ZNF292: variants seen among roughly 807,000 people sequenced by gnomAD.
ZNF292 encodes 16 zinc-finger domain protein.
Under a neutral mutation model 217.9 loss-of-function variants are expected in ZNF292, and 26 were observed. That is an observed-to-expected ratio of 0.12 (90% CI 0.09 to 0.17). The LOEUF is 0.17. Among genes scored for constraint, ZNF292 ranks in the 10% least tolerant of loss-of-function variants. ZNF292 has a pLI of 1.00. For missense variants in ZNF292, 2,904 were observed against 3,175.2 expected, an observed-to-expected ratio of 0.91 and a Z score of 2.05; for synonymous variants, 1,257 against 1,124.1, an observed-to-expected ratio of 1.12 and a Z score of -2.37.
At position 87,259,096 on chromosome 6, in the gene ZNF292, A is replaced by C. The variant is rs766997772; in HGVS notation, c.5467A>C (p.Ser1823Arg). 8.7e-6 allele frequency: 14 copies of C among 1,613,290 alleles called. No homozygotes were observed. In the South Asian group the frequency reaches 1.5e-4, roughly 18 times the overall value. ...SSFISVMPTK[S>R]NIPQSEVSHK... Reference sequence around the variant, plus strand: ...CTTTATAAGTGTCATGCCAACAAAAAGTAACATTCCTCAGTCTGAAGTATC... The same window carrying C: ...CTTTATAAGTGTCATGCCAACAAAACGTAACATTCCTCAGTCTGAAGTATC... The change falls in exon 8 of 8, where the codon AGT becomes CGT. Residue 1823 changes from serine (S) to arginine (R), a missense_variant. This residue lies in a region of ZNF292 where 622 missense variants were observed against 573.1 expected (regional missense o/e 1.09). Coordinates refer to ENST00000369577, the MANE Select transcript of ZNF292 (RefSeq NM_015021.3).
intron 1 of ZNF292, among the ~76,000 whole-genome samples, chr6:87,191,741 A>C (rs1002523995): frequency 1.3e-5 from 2 of 152,192 alleles, no homozygotes; most frequent in Non-Finnish European, 2.9e-5. Flanking sequence ...AGCTCGACTC[A>C]CTGCAACATC....
chr6:87,207,175 C>T (rs1772282930), intron 1 of ZNF292, among the ~76,000 whole-genome samples: 1 of 152,128 alleles, frequency 6.6e-6, no homozygotes, highest in Admixed American at 6.6e-5. Flanking sequence ...CCTAATGTTT[C>T]CCACCAAAAA....
chr6:87,202,222 T>A (rs1218153314), intron 1 of ZNF292, among the ~76,000 whole-genome samples: 1 of 152,200 alleles, frequency 6.6e-6, no homozygotes, highest in Non-Finnish European at 1.5e-5. Context: ...TTCCTTTTAT[T>A]CTTTAAATAA....
chr6:87,191,881 C>T (rs1258882814), intron 1 of ZNF292, among the ~76,000 whole-genome samples: 2 of 152,072 alleles, frequency 1.3e-5, no homozygotes, highest in Non-Finnish European at 2.9e-5. Flanking sequence ...AGGCTGGTCT[C>T]GACCTCCTGA....
In ZNF292 at chr6:87,243,620, A is replaced by T; in HGVS notation, c.878+9A>T. On this transcript the variant is annotated intron_variant, in intron 6 of 7. Coordinates refer to ENST00000369577, the MANE Select transcript of ZNF292 (RefSeq NM_015021.3). ...GATATGTACTGCGCTTGGTGAGTTGATCTTTTTTTTTTTAAAGAAATATTT... is the reference window on the plus strand; with the variant it reads ...GATATGTACTGCGCTTGGTGAGTTGTTCTTTTTTTTTTTAAAGAAATATTT... The T allele has an allele frequency of 6.9e-7, 1 of 1,447,464 alleles. No homozygotes were observed. 89.7% of individuals were successfully genotyped at this position (1,447,464 alleles called of 1,614,324 possible). A position where few individuals can be genotyped will look rare whatever the true frequency, so the allele number is the denominator to read the frequency against.
chr6:87,230,181 A>G (rs1773575591), intron 4 of ZNF292, among the ~76,000 whole-genome samples: 2 of 152,180 alleles, frequency 1.3e-5, no homozygotes, highest in South Asian at 4.1e-4. Flanking sequence ...TGTGGTGTAG[A>G]GATATTGTAT....
At chr6:87,216,152 C>T (rs1018359207) in intron 2 of ZNF292, 95 bp downstream of exon 2, 6 of 1,081,732 alleles carry the variant, frequency 5.5e-6, no homozygotes, top group Middle Eastern at 2.4e-4. Flanking sequence ...CACACACACA[C>T]ACACAACATT....
rs762682006 is a variant in ZNF292 at position 87,259,073 on chromosome 6, T to G, written c.5444T>G (p.Phe1815Cys). Residue 1815 changes from phenylalanine to cysteine, a missense_variant, in exon 8 of 8, where the codon TTT (phenylalanine) becomes TGT (cysteine). This residue lies in a region of ZNF292 where 622 missense variants were observed against 573.1 expected (regional missense o/e 1.09). Coordinates refer to ENST00000369577, the MANE Select transcript of ZNF292 (RefSeq NM_015021.3). The stretch of plus-strand genomic sequence containing the variant: ...CCCGATTCTTCTCCGTTTTCCTCCT[T>G]TATAAGTGTCATGCCAACAAAAAGT... Reference protein sequence around the residue: ...KLPDSSPFSSFISVMPTKSNI... With the variant: ...KLPDSSPFSSCISVMPTKSNI... 6.2e-7 allele frequency: 1 copy of G among 1,613,302 alleles called. No homozygotes were observed. The highest frequency in any genetic ancestry group is 8.5e-7 in the Non-Finnish European group (1 of 1,179,616).
intron 1 of ZNF292, among the ~76,000 whole-genome samples, chr6:87,165,908 C>A (rs1193685297): frequency 1.3e-5 from 2 of 152,120 alleles, no homozygotes; most frequent in African/African-American, 2.4e-5. Context: ...CAGGCAGGCA[C>A]CACCAAGCCT....
intron 1 of ZNF292, among the ~76,000 whole-genome samples, chr6:87,200,572 A>G (rs1375165499): frequency 2.0e-5 from 3 of 152,204 alleles, no homozygotes; most frequent in African/African-American, 4.8e-5. Context: ...CAAGGCATCA[A>G]TGTGGTTGCT....
intron 1 of ZNF292, among the ~76,000 whole-genome samples, chr6:87,191,418 A>T (rs150365379): frequency 9.2e-5 from 14 of 152,268 alleles, no homozygotes; most frequent in African/African-American, 3.4e-4. Context: ...TGACACTTAG[A>T]TTGTTAACAA....
rs1215565460 is a variant in ZNF292, at chr6:87,218,579, TTATTTAA to T, written c.403-10_403-4del. The T allele has an allele frequency of 4.6e-6, 7 of 1,514,514 alleles. No homozygotes were observed. Among genetic ancestry groups the T allele is most frequent in the Non-Finnish European group, 6.2e-6 (7 of 1,133,270 alleles). 93.8% of individuals were successfully genotyped at this position (1,514,514 alleles called of 1,614,324 possible). ...AAATCTGTTGTAATTCTTTGGATGT[TTATTTAA>T]TATTTATAGGTAGCTCATGAAAAGC... On this transcript the variant is annotated splice_polypyrimidine_tract_variant and intron_variant, in intron 3 of 7. Transcript: ENST00000369577.
chr6:87,222,616 A>G (rs1030157338), intron 4 of ZNF292, among the ~76,000 whole-genome samples: 1 of 152,212 alleles, frequency 6.6e-6, no homozygotes, highest in African/African-American at 2.4e-5. Flanking sequence ...GAGTTTCCAT[A>G]TACCCTGAAC....
rs568245991 is a variant in ZNF292 at position 87,192,364 on chromosome 6, GT to G, written c.169-23527del. On this transcript the variant is annotated intron_variant, in intron 1 of 7. Coordinates refer to ENST00000369577, the MANE Select transcript of ZNF292 (RefSeq NM_015021.3). ...AGATGCACTTTTTAGGGTGAGGGTG[GT>G]TTTTTTTTTTTAACCCTAGCGAAAA... Among the ~76,000 whole-genome samples the G allele has an allele frequency of 4.4e-3, 628 of 142,450 alleles. 2 individuals are homozygous for G. Among genetic ancestry groups the G allele is most frequent in the African/African-American group, 0.012 (460 of 39,206 alleles). 93.5% of individuals were successfully genotyped at this position (142,450 alleles called of 152,430 possible). A position where few individuals can be genotyped will look rare whatever the true frequency, so the allele number is the denominator to read the frequency against.
intron 5 of ZNF292, among the ~76,000 whole-genome samples, chr6:87,242,864 A>G (rs964184921): frequency 1.3e-5 from 2 of 152,246 alleles, no homozygotes; most frequent in Non-Finnish European, 2.9e-5. Flanking sequence ...ATACGTACAC[A>G]TGCATGACTG....
At chr6:87,211,090 A>G (rs1383188525) in intron 1 of ZNF292, among the ~76,000 whole-genome samples, 3 of 152,162 alleles carry the variant, frequency 2.0e-5, no homozygotes, top group Non-Finnish European at 4.4e-5. Context: ...CCCTTCTGGT[A>G]TGGTGGAGTG....
rs539510683 is a variant in ZNF292 at position 87,259,877 on chromosome 6, G to A, written c.6248G>A (p.Arg2083Lys). Residue 2083 changes from arginine to lysine, a missense_variant, in exon 8 of 8, where the codon AGG becomes AAG. Arg to Lys is a conservative substitution (Grantham distance 26, BLOSUM62 2). Around this residue, in one of 15 missense-constraint regions of ZNF292, gnomAD observed 261 missense variants for 272.8 expected, o/e 0.96. Transcript: ENST00000369577. ...ACACAAACCAAAGGACGGAAGATTAGGAGGCATAAAAAAGAAAAGGAGGAG... is the reference window on the plus strand; with the variant it reads ...ACACAAACCAAAGGACGGAAGATTAAGAGGCATAAAAAAGAAAAGGAGGAG... ...TNTQTKGRKI[R>K]RHKKEKEEKK... The A allele has an allele frequency of 5.0e-6, 8 of 1,613,422 alleles. No individual in the cohort carries two copies. Among genetic ancestry groups the A allele is most frequent in the South Asian group, 1.1e-5 (1 of 91,064 alleles).
In ZNF292 at chr6:87,261,515, A is replaced by G. The variant is rs1401326776; in HGVS notation, c.7886A>G (p.Lys2629Arg). ...NKKGSHSNSR[K>R]NIDKTAVTSG... is the part of the protein sequence containing the mutation. ...AAAGGATCCCATTCAAATTCAAGAA[A>G]AAATATTGATAAGACTGCTGTGACT... Residue 2629 changes from lysine to arginine, a missense_variant, in exon 8 of 8, where the codon AAA becomes AGA. Transcript: ENST00000369577. The G allele has an allele frequency of 6.2e-7, 1 of 1,607,470 alleles. No individual in the cohort carries two copies. Among genetic ancestry groups the G allele is most frequent in the Non-Finnish European group, 8.5e-7 (1 of 1,176,466 alleles).
intron 1 of ZNF292, among the ~76,000 whole-genome samples, chr6:87,194,233 AATG>A (rs1771896737): frequency 2.0e-5 from 3 of 152,216 alleles, no homozygotes; most frequent in Admixed American, 1.3e-4. Flanking sequence ...GGGGAGATTA[AATG>A]ATAAATATAG....
Sources: gnomAD v4.1 joint callset for allele counts (sites outside exome capture counted in the v4.1 genomes callset) on GRCh38, gnomAD v4.1.1 for gene constraint, gnomAD v4.1.1 regional missense constraint, MANE v1.5 for transcripts, NCBI Gene and HGNC (gene_info 2026-07-23, HGNC 2026-07-21) for gene names.